The following CPXM2 variants were observed in gnomAD, a reference collection of about 807,000 sequenced individuals.
The protein encoded by CPXM2 is carboxypeptidase X, M14 family member 2, also known as inactive carboxypeptidase-like protein X2.
Under a neutral mutation model 86.1 loss-of-function variants are expected in CPXM2, and 66 were observed. That is an observed-to-expected ratio of 0.77 (90% CI 0.63 to 0.94). The LOEUF is 0.94. Among genes scored for constraint, CPXM2 ranks in the 40% least tolerant of loss-of-function variants. The pLI is 0.00. For synonymous variants in CPXM2, 388 were observed against 400.2 expected (o/e 0.97, Z 0.36); for missense variants, 948 against 1,026.3 (o/e 0.92, Z 1.04).
At chr10:123,880,186 G>C (rs767348740) in intron 2 of CPXM2, 25 bp downstream of exon 2, 22 of 834,478 alleles carry the variant, frequency 2.6e-5, no homozygotes, top group Non-Finnish European at 4.2e-5. Flanking sequence ...GACTGGTGTA[G>C]GGGCTCTCCG....
intron 9 of CPXM2, 117 bp downstream of exon 9, chr10:123,768,404 TAAATA>T: frequency 2.1e-6 from 1 of 470,854 alleles, no homozygotes; most frequent in Non-Finnish European, 3.4e-6. Context: ...AATAAATAAA[TAAATA>T]AATAAATAAA....
At chr10:123,893,816 T>A (rs1945311854), upstream of CPXM2, among the ~76,000 whole-genome samples, 1 of 152,168 alleles carries the variant, frequency 6.6e-6, no homozygotes, top group African/African-American at 2.4e-5. Flanking sequence ...TCCAGCGAGC[T>A]GTGTGAAGCG....
At chr10:123,847,726 T>C (rs1848525470) in intron 3 of CPXM2, among the ~76,000 whole-genome samples, 1 of 152,158 alleles carries the variant, frequency 6.6e-6, no homozygotes, top group South Asian at 2.1e-4. Context: ...TACATAGATA[T>C]AGAGGGTGAC....
chr10:123,910,129 T>C (rs1201902834), intron 2 of CPXM2, among the ~76,000 whole-genome samples: 13 of 152,102 alleles, frequency 8.5e-5, no homozygotes, highest in Admixed American at 8.5e-4. Flanking sequence ...TGTCCCTCAC[T>C]GAACCCAGCC....
chr10:123,788,003 A>G (rs1847107185), intron 6 of CPXM2, among the ~76,000 whole-genome samples: 1 of 151,958 alleles, frequency 6.6e-6, no homozygotes, highest in African/African-American at 2.4e-5. Context: ...ATACAGGCTG[A>G]GAGCGGTGGC....
At chr10:123,798,642 C>T (rs1590013072) in intron 5 of CPXM2, among the ~76,000 whole-genome samples, 1 of 152,158 alleles carries the variant, frequency 6.6e-6, no homozygotes, top group Admixed American at 6.5e-5. Flanking sequence ...AAGGAGGCCA[C>T]AGTCAAGACT....
rs1248369487 is a variant in CPXM2, at chr10:123,799,087, G to A, written c.738+28C>T. The A allele has an allele frequency of 3.1e-6, 5 of 1,612,210 alleles. No homozygotes were observed. In the African/African-American group the frequency reaches 5.3e-5, roughly 17 times the overall value. ...AAACCCCACCCAGCCAGGAAGAAAG[G>A]CATGGTTAAATGGAGGATGAGACTC... On this transcript the variant is annotated intron_variant, in intron 5 of 13. Transcript: ENST00000241305.
chr10:123,882,786 C>G, intron 1 of CPXM2, among the ~76,000 whole-genome samples: 1 of 149,362 alleles, frequency 6.7e-6, no homozygotes, highest in African/African-American at 2.5e-5. Context: ...AGGCAACCCC[C>G]CCCCACCATA....
intron 2 of CPXM2, among the ~76,000 whole-genome samples, chr10:123,925,335 G>A (rs1243240476): frequency 6.6e-6 from 1 of 152,002 alleles, no homozygotes; most frequent in Non-Finnish European, 1.5e-5. Flanking sequence ...TCATTAAGTA[G>A]TGGAGATTAT....
intron 2 of CPXM2, among the ~76,000 whole-genome samples, chr10:123,870,708 C>T (rs1365558132): frequency 6.6e-6 from 1 of 152,154 alleles, no homozygotes; most frequent in Non-Finnish European, 1.5e-5. Flanking sequence ...TAACACCCAC[C>T]ACAGGAGAGA....
chr10:123,770,722 A>G (rs923249754), intron 8 of CPXM2, among the ~76,000 whole-genome samples, 194 bp downstream of exon 8: 3 of 152,186 alleles, frequency 2.0e-5, no homozygotes, highest in Non-Finnish European at 4.4e-5. Context: ...CAGTGTAAAT[A>G]ATTCTATAGT....
chr10:123,780,757 C>G (rs1846916033), intron 6 of CPXM2, among the ~76,000 whole-genome samples: 1 of 152,034 alleles, frequency 6.6e-6, no homozygotes, highest in Non-Finnish European at 1.5e-5. Context: ...TCCTTCCTTC[C>G]TTCCTAAAAA....
intron 12 of CPXM2, among the ~76,000 whole-genome samples, chr10:123,756,273 C>G (rs1287138075): frequency 6.6e-6 from 1 of 152,224 alleles, no homozygotes; most frequent in Non-Finnish European, 1.5e-5. Context: ...AGGCTTGACA[C>G]TTGTTTCTGT....
chr10:123,771,909 G>A lies in CPXM2; in HGVS notation c.979-870C>T, dbSNP rs1343744758. Among the ~76,000 whole-genome samples the A allele has an allele frequency of 2.6e-5, 4 of 152,156 alleles. No homozygotes were observed. The East Asian group carries it at 7.7e-4, about 29-fold the overall frequency. On this transcript the variant is annotated intron_variant, in intron 7 of 13. Transcript: ENST00000241305. ...CTTCCGCCATTATTATAAGTTTCCT[G>A]AGGCCTTATCAGCCATGCAGAATTC...
chr10:123,838,835 C>T lies in CPXM2; in HGVS notation c.653+3514G>A, dbSNP rs187286142. Among the ~76,000 whole-genome samples the T allele has an allele frequency of 2.4e-4, 37 of 152,206 alleles. 1 individual carries two copies. The highest frequency in any genetic ancestry group is 5.8e-4 in the African/African-American group (24 of 41,520). On this transcript the variant is annotated intron_variant, in intron 4 of 13. Transcript: ENST00000241305. ...GGGAAGCGTGCAGGATAGTAACCTGCGCAGACCACCCTCAAGCTGTTTACT... is the reference window on the plus strand; with the variant it reads ...GGGAAGCGTGCAGGATAGTAACCTGTGCAGACCACCCTCAAGCTGTTTACT...
chr10:123,900,415 C>A (rs567205657), intron 2 of CPXM2, among the ~76,000 whole-genome samples: 1 of 152,290 alleles, frequency 6.6e-6, no homozygotes, highest in African/African-American at 2.4e-5. Context: ...AAGCTATGAA[C>A]AGGCTATTTA....
intron 3 of CPXM2, among the ~76,000 whole-genome samples, chr10:123,846,440 T>C (rs549752291): frequency 4.9e-4 from 74 of 152,228 alleles, no homozygotes; most frequent in African/African-American, 1.7e-3. Context: ...GGAGGTGGAG[T>C]TCAGGCCGTA....
At chr10:123,833,811 G>C (rs1025756507) in intron 4 of CPXM2, among the ~76,000 whole-genome samples, 5 of 152,200 alleles carry the variant, frequency 3.3e-5, no homozygotes, top group African/African-American at 9.7e-5. Context: ...TTTCGGCTTA[G>C]CTGGAGATAA....
chr10:123,934,181 C>A (rs1014125324), intron 2 of CPXM2, among the ~76,000 whole-genome samples: 1 of 152,194 alleles, frequency 6.6e-6, no homozygotes, highest in Non-Finnish European at 1.5e-5. Flanking sequence ...TACCCAATGA[C>A]ACCGAGCCCT....
Sources: allele counts gnomAD v4.1 joint callset (sites outside exome capture counted in the v4.1 genomes callset), GRCh38; gene constraint gnomAD v4.1.1; transcripts MANE v1.5; gene names NCBI Gene and HGNC (gene_info 2026-07-23, HGNC 2026-07-21).